The following NEK5 variants were observed in gnomAD, a reference collection of about 807,000 sequenced individuals.
NEK5 encodes serine/threonine-protein kinase Nek5.
Under a neutral mutation model 109.2 loss-of-function variants are expected in NEK5, and 88 were observed. That is an observed-to-expected ratio of 0.81 (90% CI 0.68 to 0.96). NEK5 has a LOEUF of 0.96. Ranked by LOEUF, NEK5 falls within the 40% of genes least tolerant of loss-of-function variation. NEK5 has a pLI of 0.00. For synonymous variants in NEK5, 283 were observed against 299.9 expected (o/e 0.94, Z 0.58); for missense variants, 834 against 920.7 (o/e 0.91, Z 1.22).
chr13:52,086,291 C>G lies in NEK5; in HGVS notation c.1465G>C (p.Gly489Arg). 2 of 1,603,072 alleles carry G rather than the reference C, an allele frequency of 1.2e-6. No individual in the cohort carries two copies. Among genetic ancestry groups the G allele is most frequent in the Non-Finnish European group, 1.7e-6 (2 of 1,169,956 alleles). Residue 489 changes from glycine (G) to arginine (R), a missense_variant, in exon 16 of 24, where the codon GGG (glycine) becomes CGG (arginine). Physicochemically the swap from Gly to Arg is moderately radical, Grantham distance 125. Transcript: ENST00000684899. Reference sequence around the variant, plus strand: ...AATGAATTTACCTCTGGTTCTCTCCCCATCTTCTTTCTAATTTCTTTCATG... The same window carrying G: ...AATGAATTTACCTCTGGTTCTCTCCGCATCTTCTTTCTAATTTCTTTCATG... ...NDMKEIRKKM[G>R]REPEENSKIS...
At chr13:52,069,005 A>G (rs1954740154) in intron 20 of NEK5, among the ~76,000 whole-genome samples, 2 of 151,996 alleles carry the variant, frequency 1.3e-5, no homozygotes, top group East Asian at 3.8e-4. Flanking sequence ...AGAAAAAAAA[A>G]GGAGAAATAT....
At chr13:52,116,464 G>A (rs1362315238) in intron 4 of NEK5, among the ~76,000 whole-genome samples, 1 of 152,124 alleles carries the variant, frequency 6.6e-6, no homozygotes, top group Non-Finnish European at 1.5e-5. Flanking sequence ...GGAGTTCAAG[G>A]CTGCAGTGAG....
intron 16 of NEK5, among the ~76,000 whole-genome samples, chr13:52,083,883 C>T (rs1490215457): frequency 6.6e-6 from 1 of 152,182 alleles, no homozygotes; most frequent in Non-Finnish European, 1.5e-5. Context: ...CATCCCAGAT[C>T]AGCCTTAGAC....
chr13:52,040,111 T>A (rs1954400825), intron 23 of NEK5, among the ~76,000 whole-genome samples: 1 of 137,566 alleles, frequency 7.3e-6, no homozygotes, highest in Admixed American at 7.6e-5. Context: ...TTGAGAGAAA[T>A]CTCACTTTTG....
intron 1 of NEK5, among the ~76,000 whole-genome samples, chr13:52,128,622 G>A (rs1594015568): frequency 6.6e-6 from 1 of 152,220 alleles, no homozygotes; most frequent in East Asian, 1.9e-4. Flanking sequence ...CCGCAGCCAG[G>A]AGAGGCTGCA....
At chr13:52,111,867 G>A (rs1955765185) in intron 5 of NEK5, among the ~76,000 whole-genome samples, 1 of 152,164 alleles carries the variant, frequency 6.6e-6, no homozygotes, top group African/African-American at 2.4e-5. Flanking sequence ...ATCCTCCCTA[G>A]CAAAGTGGGA....
At chr13:52,039,201 G>A (rs73184342) in intron 23 of NEK5, among the ~76,000 whole-genome samples, 14,656 of 152,218 alleles carry the variant, frequency 0.096, 777 homozygotes, top group Middle Eastern at 0.13. Flanking sequence ...TCTGCAGAAC[G>A]CGTACTATCT....
At position 52,065,583 on chromosome 13, in the gene NEK5, C is replaced by G. The variant is rs1374157772; in HGVS notation, c.1876G>C (p.Val626Leu). 6.2e-7 allele frequency: 1 copy of G among 1,614,004 alleles called. No individual in the cohort carries two copies. Among genetic ancestry groups the G allele is most frequent in the African/African-American group, 1.3e-5 (1 of 75,072 alleles). Residue 626 changes from valine (V) to leucine (L), a missense_variant, in exon 21 of 24, where the codon GTG (valine) becomes CTG (leucine). By Grantham distance (32) the Val-to-Leu change is conservative. Transcript: ENST00000684899. Reference protein sequence around the residue: ...AGFSTQTVAAVGNRRQWDGGA... With the variant: ...AGFSTQTVAALGNRRQWDGGA... ...CCATCCCACTGCCTCCTGTTTCCCA[C>G]AGCAGCTACAGTCTGCGTGGAAAAC... is the stretch of plus-strand genomic sequence containing the variant.
chr13:52,087,059 T>A (rs1228422028), intron 15 of NEK5, among the ~76,000 whole-genome samples: 1 of 152,212 alleles, frequency 6.6e-6, no homozygotes, highest in Non-Finnish European at 1.5e-5. Context: ...CCTAGTTTGT[T>A]GAACTCTGTT....
At chr13:52,055,709 G>A (rs993951945) in intron 22 of NEK5, among the ~76,000 whole-genome samples, 66 of 152,100 alleles carry the variant, frequency 4.3e-4, no homozygotes, top group African/African-American at 1.5e-3. Context: ...AGCTTCATAA[G>A]TGAAGGAGAA....
chr13:52,092,281 A>C (rs1955300391), intron 13 of NEK5, among the ~76,000 whole-genome samples: 1 of 152,232 alleles, frequency 6.6e-6, no homozygotes, highest in African/African-American at 2.4e-5. Context: ...ACATTACATC[A>C]TAATTACAAC....
chr13:52,047,228 G>A (rs1483928838), intron 23 of NEK5, among the ~76,000 whole-genome samples: 1 of 151,820 alleles, frequency 6.6e-6, no homozygotes, highest in Admixed American at 6.6e-5. Flanking sequence ...TTTTTGTTCT[G>A]GAAATTTAAA....
At chr13:52,097,832 G>A (rs529077786) in intron 12 of NEK5, among the ~76,000 whole-genome samples, 78 of 152,136 alleles carry the variant, frequency 5.1e-4, no homozygotes, top group Non-Finnish European at 1.0e-3. Context: ...ATATGGTTTG[G>A]ATTTGTGTCC....
rs1361941911 is a variant in NEK5 at position 52,110,335 on chromosome 13, C to T, written c.467+5G>A. 12 of 1,591,664 alleles carry T rather than the reference C, an allele frequency of 7.5e-6. No homozygotes were observed. Among genetic ancestry groups the T allele is most frequent in the African/African-American group, 2.7e-5 (2 of 74,480 alleles). ...AGAAAGAAAAATTATTTTCAAAGTACTTACTTATTCAGGACTCTTGCTATA... is the reference window on the plus strand; with the variant it reads ...AGAAAGAAAAATTATTTTCAAAGTATTTACTTATTCAGGACTCTTGCTATA... On this transcript the variant is annotated splice_donor_5th_base_variant and intron_variant, in intron 7 of 23. Coordinates refer to ENST00000684899, the MANE Select transcript of NEK5 (RefSeq NM_001365552.1).
At chr13:52,052,048 G>GATCAAGGACT (rs1954510268) in intron 22 of NEK5, among the ~76,000 whole-genome samples, 3 of 152,114 alleles carry the variant, frequency 2.0e-5, no homozygotes, top group Non-Finnish European at 4.4e-5. Context: ...TCAAAAGCAT[G>GATCAAGGACT]CAAACTTTTG....
chr13:52,088,381 A>G (rs1955201024), intron 14 of NEK5, among the ~76,000 whole-genome samples: 1 of 151,890 alleles, frequency 6.6e-6, no homozygotes, highest in African/African-American at 2.4e-5. Flanking sequence ...CAGCCTCCCA[A>G]GTAGCTGGGA....
chr13:52,117,945 G>A (rs574048108), intron 4 of NEK5, among the ~76,000 whole-genome samples: 1 of 152,320 alleles, frequency 6.6e-6, no homozygotes, highest in South Asian at 2.1e-4. Context: ...GGACAGGAAT[G>A]CAGGGCACTT....
chr13:52,099,543 G>C (rs538583715), intron 12 of NEK5, among the ~76,000 whole-genome samples, 200 bp downstream of exon 12: 7 of 152,134 alleles, frequency 4.6e-5, no homozygotes, highest in African/African-American at 7.2e-5. Context: ...AGTGGCACAC[G>C]TCTGTAGTCC....
intron 11 of NEK5, among the ~76,000 whole-genome samples, chr13:52,100,671 C>T (rs1593978689): frequency 1.3e-5 from 2 of 151,850 alleles, no homozygotes; most frequent in Non-Finnish European, 1.5e-5. Context: ...CTCAGGAGTT[C>T]GAGACCAGCC....
Sources: gnomAD v4.1 joint callset for allele counts (sites outside exome capture counted in the v4.1 genomes callset) on GRCh38, gnomAD v4.1.1 for gene constraint, MANE v1.5 for transcripts, NCBI Gene and HGNC (gene_info 2026-07-23, HGNC 2026-07-21) for gene names.